Variants in ANK1 observed in about 807,000 individuals in gnomAD.
ANK1 encodes ankyrin-1.
Under a neutral mutation model 210.4 loss-of-function variants are expected in ANK1, and 51 were observed. The observed-to-expected ratio is 0.24, with a 90% confidence interval of 0.19 to 0.31. The LOEUF (loss-of-function observed/expected upper bound fraction) is 0.31. Ranked by LOEUF, ANK1 falls within the 10% of genes least tolerant of loss-of-function variation. The pLI is 1.00. For missense variants in ANK1, 2,051 were observed against 2,504.4 expected (o/e 0.82, Z 3.86); for synonymous variants, 967 against 1,025.9 (o/e 0.94, Z 1.10).
intron 1 of ANK1, among the ~76,000 whole-genome samples, chr8:41,803,148 AAAG>A (rs1461392715): frequency 1.4e-5 from 2 of 140,138 alleles, no homozygotes; most frequent in African/African-American, 5.5e-5. Context: ...GAAAGGAAAG[AAAG>A]AAAAGAAAAG....
rs777013343 is a variant in ANK1 at position 41,727,237 on chromosome 8, C to A, written c.426+13G>T. On this transcript the variant is annotated intron_variant, in intron 5 of 42. Transcript: ENST00000289734. The stretch of plus-strand genomic sequence containing the variant: ...GACTTCTGGTGGTGACGACATTTTT[C>A]CAAGGTACTTACTTCTGTGGCTACA... The A allele has an allele frequency of 6.2e-7, 1 of 1,610,030 alleles. No homozygotes were observed. Among genetic ancestry groups the A allele is most frequent in the East Asian group, 2.2e-5 (1 of 44,866 alleles).
rs994637233 is a variant in ANK1, at chr8:41,653,897, C to G, written c.*1893G>C. Reference sequence around the variant, plus strand: ...TAAAGGAAGCAAAAGCAGCCCCACCCCCGGCCGACAAGGCGCCTAGGCCGC... The same window carrying G: ...TAAAGGAAGCAAAAGCAGCCCCACCGCCGGCCGACAAGGCGCCTAGGCCGC... On this transcript the variant is annotated 3_prime_UTR_variant, in exon 43 of 43. Coordinates refer to ENST00000289734, the MANE Select transcript of ANK1 (RefSeq NM_000037.4). 6.6e-6 allele frequency: 1 copy of G among 152,194 alleles called. No homozygotes were observed. Among genetic ancestry groups the G allele is most frequent in the Non-Finnish European group, 1.5e-5 (1 of 68,046 alleles). 9.4% of individuals were successfully genotyped at this position (152,194 alleles called of 1,614,324 possible).
intron 39 of ANK1, 72 bp downstream of exon 39, chr8:41,668,195 G>A (rs1177669655): frequency 1.2e-6 from 2 of 1,600,356 alleles, no homozygotes; most frequent in African/African-American, 2.7e-5. Flanking sequence ...TGCCTGAGAG[G>A]CAGCCCTGGA....
intron 1 of ANK1, among the ~76,000 whole-genome samples, chr8:41,778,089 T>C (rs913215357): frequency 6.6e-6 from 1 of 152,212 alleles, no homozygotes; most frequent in African/African-American, 2.4e-5. Flanking sequence ...TTTTTCCTCA[T>C]TCATTTATTC....
intron 42 of ANK1, among the ~76,000 whole-genome samples, chr8:41,659,867 G>C (rs540526398): frequency 6.6e-6 from 1 of 152,074 alleles, no homozygotes; most frequent in South Asian, 2.1e-4. Flanking sequence ...ATCACTTACG[G>C]CAAATTAAAA....
intron 1 of ANK1, among the ~76,000 whole-genome samples, chr8:41,773,759 G>A (rs938243395): frequency 4.6e-5 from 7 of 152,146 alleles, no homozygotes; most frequent in East Asian, 1.9e-4. Flanking sequence ...GCCCACAGCC[G>A]AGAATCTACA....
chr8:41,810,183 T>C (rs1447381053), intron 1 of ANK1, among the ~76,000 whole-genome samples: 1 of 152,232 alleles, frequency 6.6e-6, no homozygotes. Flanking sequence ...ACCCAAACTC[T>C]TTCCATTTCT....
chr8:41,789,465 G>T (rs1847155328), intron 1 of ANK1, among the ~76,000 whole-genome samples: 1 of 152,236 alleles, frequency 6.6e-6, no homozygotes, highest in Non-Finnish European at 1.5e-5. Flanking sequence ...AGTCCAGAAA[G>T]CAGCAGAGCA....
intron 35 of ANK1, among the ~76,000 whole-genome samples, chr8:41,686,956 TACAACACAAACGTGCACACACTC>T (rs1280727586): frequency 6.6e-6 from 1 of 151,980 alleles, no homozygotes; most frequent in Non-Finnish European, 1.5e-5. Context: ...AACACGCACA[TACAACACAAACGTGCACACACTC>T]ACAACACATA....
At chr8:41,678,050 G>GT (rs1188968879) in intron 37 of ANK1, among the ~76,000 whole-genome samples, 1 of 152,046 alleles carries the variant, frequency 6.6e-6, no homozygotes. Context: ...TTGCTCACGT[G>GT]TTTCCTGTGC....
At chr8:41,752,779 C>A (rs1420134171) in intron 2 of ANK1, among the ~76,000 whole-genome samples, 1 of 137,680 alleles carries the variant, frequency 7.3e-6, no homozygotes, top group African/African-American at 2.6e-5. Flanking sequence ...GTCCCTCCTG[C>A]GCTGCTGGGC....
chr8:41,680,412 A>C (rs1405212631), intron 37 of ANK1, among the ~76,000 whole-genome samples: 1 of 151,972 alleles, frequency 6.6e-6, no homozygotes, highest in Non-Finnish European at 1.5e-5. Flanking sequence ...AAAATATAAA[A>C]ATTATCTGGG....
At chr8:41,679,174 C>T (rs548010668) in intron 37 of ANK1, among the ~76,000 whole-genome samples, 1 of 152,296 alleles carries the variant, frequency 6.6e-6, no homozygotes, top group South Asian at 2.1e-4. Flanking sequence ...TGTTTTCCTG[C>T]CTCTTTGTGT....
chr8:41,668,981 T>C (rs984597420), intron 38 of ANK1, among the ~76,000 whole-genome samples: 1 of 151,978 alleles, frequency 6.6e-6, no homozygotes, highest in African/African-American at 2.4e-5. Flanking sequence ...AAGGTGGTCA[T>C]TCTCTCCCCC....
intron 1 of ANK1, among the ~76,000 whole-genome samples, chr8:41,843,140 G>A (rs1437460343): frequency 6.6e-6 from 1 of 152,122 alleles, no homozygotes; most frequent in Non-Finnish European, 1.5e-5. Flanking sequence ...GAGCCACCGC[G>A]CCCAGCCAAT....
intron 1 of ANK1, among the ~76,000 whole-genome samples, chr8:41,760,547 C>A (rs981218707): frequency 6.6e-6 from 1 of 152,134 alleles, no homozygotes; most frequent in African/African-American, 2.4e-5. Context: ...CTAATACACT[C>A]ACAAAGACAA....
In ANK1 at chr8:41,704,366, C is replaced by G. The variant is rs1823971955; in HGVS notation, c.2196+8G>C. On this transcript the variant is annotated splice_region_variant and intron_variant, in intron 19 of 42. Coordinates refer to ENST00000289734, the MANE Select transcript of ANK1 (RefSeq NM_000037.4). This position sits in a 1 kb window ranked among gnomAD's most constrained non-coding sequence, Gnocchi z 4.1. ...AGTGCAGGAGTCGGGGCTGGGGCAC[C>G]CCTGTACCTTGGTCTTGGCATTGAC... The G allele has an allele frequency of 6.2e-7, 1 of 1,613,358 alleles. No homozygotes were observed.
chr8:41,750,875 C>T (rs1586691553), intron 2 of ANK1, among the ~76,000 whole-genome samples: 1 of 152,166 alleles, frequency 6.6e-6, no homozygotes, highest in South Asian at 2.1e-4. Flanking sequence ...AAAATTATCT[C>T]CTGGAGTCTC....
At chr8:41,695,383 G>C in intron 26 of ANK1, 52 bp from the exon 27 acceptor site, 1 of 1,611,792 alleles carries the variant, frequency 6.2e-7, no homozygotes, top group Non-Finnish European at 8.5e-7. Context: ...AGGCAGGCAG[G>C]GCACAGGGAG....
Sources: allele counts gnomAD v4.1 joint callset (sites outside exome capture counted in the v4.1 genomes callset), GRCh38; gene constraint gnomAD v4.1.1; non-coding constraint Gnocchi (gnomAD v3.1); transcripts MANE v1.5; gene names NCBI Gene and HGNC (gene_info 2026-07-23, HGNC 2026-07-21).